Variants in DGUOK observed in about 807,000 individuals in gnomAD.
The protein encoded by DGUOK is deoxyguanosine kinase, also known as deoxyguanosine kinase, mitochondrial.
Under a neutral mutation model 36.6 loss-of-function variants are expected in DGUOK, and 30 were observed. That is an observed-to-expected ratio of 0.82 (90% confidence interval 0.61 to 1.11). The LOEUF (loss-of-function observed/expected upper bound fraction) is 1.11, where lower values mean the gene tolerates loss of function less well. Ranked by LOEUF, DGUOK falls within the 50% of genes most tolerant of loss-of-function variation. The pLI is 0.00. For missense variants in DGUOK, 361 were observed against 336.4 expected (o/e 1.07, Z -0.57); for synonymous variants, 145 against 126.3 (o/e 1.15, Z -0.99).
At position 73,958,807 on chromosome 2, in the gene DGUOK, C is replaced by G; in HGVS notation, c.*71C>G. On this transcript the variant is annotated 3_prime_UTR_variant, in exon 7 of 7. Transcript: ENST00000264093. ...TGAAGCTAGAAAAATGTTGTGTCTC[C>G]CAACCACCTTTCCATCCCCAGCCCC... 2 of 1,334,982 alleles carry G rather than the reference C, an allele frequency of 1.5e-6. No individual in the cohort carries two copies. Among genetic ancestry groups the G allele is most frequent in the South Asian group, 2.3e-5 (2 of 85,640 alleles). 82.7% of individuals were successfully genotyped at this position (1,334,982 alleles called of 1,614,324 possible).
At chr2:73,938,262 A>G (rs1452728760) in intron 1 of DGUOK, among the ~76,000 whole-genome samples, 1 of 152,050 alleles carries the variant, frequency 6.6e-6, no homozygotes, top group Non-Finnish European at 1.5e-5. Flanking sequence ...CTTACCTCAG[A>G]TGTCATTTTT....
rs763099320 is a variant in DGUOK at position 73,926,900 on chromosome 2, T to G, written c.-11T>G. On this transcript the variant is annotated 5_prime_UTR_variant, in exon 1 of 7. Transcript: ENST00000264093. ...TCGGCGGAAGTGATCGCTGTGTGAA[T>G]CGTGGGTGGGATGGCCGCGGGCCGC... 7 of 1,613,276 alleles carry G rather than the reference T, an allele frequency of 4.3e-6. No individual in the cohort carries two copies. Among genetic ancestry groups the G allele is most frequent in the Admixed American group, 1.7e-5 (1 of 60,002 alleles).
chr2:73,950,872 C>A, intron 4 of DGUOK, 140 bp downstream of exon 4: 1 of 1,155,968 alleles, frequency 8.7e-7, no homozygotes, highest in Non-Finnish European at 1.3e-6. Flanking sequence ...GGGACACCCT[C>A]CTGTCCCAGC....
intron 4 of DGUOK, among the ~76,000 whole-genome samples, chr2:73,954,398 G>A (rs562213402): frequency 4.0e-5 from 6 of 151,392 alleles, no homozygotes; most frequent in African/African-American, 9.7e-5. Flanking sequence ...GGCCGGGCAC[G>A]GTGACTCACG....
At chr2:73,929,412 T>C (rs1442285369) in intron 1 of DGUOK, among the ~76,000 whole-genome samples, 1 of 152,204 alleles carries the variant, frequency 6.6e-6, no homozygotes, top group Non-Finnish European at 1.5e-5. Flanking sequence ...TTTAAGCATG[T>C]TAGGTTTTTA....
intron 1 of DGUOK, among the ~76,000 whole-genome samples, chr2:73,934,154 T>G (rs1681272471): frequency 6.6e-6 from 1 of 152,206 alleles, no homozygotes; most frequent in African/African-American, 2.4e-5. Flanking sequence ...CTGCTAGATT[T>G]TAGCATTACA....
At position 73,958,097 on chromosome 2, in the gene DGUOK, A is replaced by G. The variant is rs765735643; in HGVS notation, c.708-49A>G. The G allele has an allele frequency of 2.0e-6, 3 of 1,474,856 alleles. No homozygotes were observed. In the Admixed American group the frequency reaches 5.1e-5, roughly 25 times the overall value. 91.4% of individuals were successfully genotyped at this position (1,474,856 alleles called of 1,614,324 possible). On this transcript the variant is annotated intron_variant, in intron 5 of 6. Coordinates refer to ENST00000264093, the MANE Select transcript of DGUOK (RefSeq NM_080916.3). ...TTGGCGAGTATGTGAAACTTGACTCAAGTTACATTTCTTTTTTTCTGTCCC... is the reference window on the plus strand; with the variant it reads ...TTGGCGAGTATGTGAAACTTGACTCGAGTTACATTTCTTTTTTTCTGTCCC...
chr2:73,933,248 G>A (rs1681194067), intron 1 of DGUOK, among the ~76,000 whole-genome samples: 1 of 152,182 alleles, frequency 6.6e-6, no homozygotes, highest in Admixed American at 6.5e-5. Flanking sequence ...TTCAAATACT[G>A]TATAGTGGAT....
At chr2:73,930,353 C>CA (rs1680912730) in intron 1 of DGUOK, among the ~76,000 whole-genome samples, 1 of 152,210 alleles carries the variant, frequency 6.6e-6, no homozygotes, top group Admixed American at 6.5e-5. Context: ...TGAGACCAGT[C>CA]ACCATGGCTG....
chr2:73,932,547 A>G (rs1374564780), intron 1 of DGUOK: 17 of 1,087,952 alleles, frequency 1.6e-5, no homozygotes, highest in African/African-American at 9.8e-5. Flanking sequence ...CACACAGGGA[A>G]TGTATTAAAC....
intron 1 of DGUOK, among the ~76,000 whole-genome samples, chr2:73,927,899 C>T (rs1376451062): frequency 3.3e-5 from 5 of 152,144 alleles, no homozygotes; most frequent in Non-Finnish European, 7.3e-5. Context: ...CTGAGAATTT[C>T]TTTTTTTATT....
At chr2:73,927,405 TAAAA>T (rs1186986221) in intron 1 of DGUOK, among the ~76,000 whole-genome samples, 1 of 152,226 alleles carries the variant, frequency 6.6e-6, no homozygotes, top group African/African-American at 2.4e-5. Context: ...TAGCAGAAAT[TAAAA>T]ATAATATCCA....
intron 2 of DGUOK, among the ~76,000 whole-genome samples, chr2:73,941,329 C>T (rs1681888976): frequency 6.6e-6 from 1 of 152,188 alleles, no homozygotes; most frequent in Admixed American, 6.5e-5. Context: ...TCCCAAATTC[C>T]TTCCCCATAG....
At chr2:73,956,411 G>A (rs1683094731) in intron 4 of DGUOK, among the ~76,000 whole-genome samples, 1 of 152,184 alleles carries the variant, frequency 6.6e-6, no homozygotes, top group Admixed American at 6.5e-5. Flanking sequence ...CTGGGGCTAT[G>A]GCTGTAGGCG....
At chr2:73,943,025 C>CT (rs1273977416) in intron 2 of DGUOK, among the ~76,000 whole-genome samples, 1 of 151,896 alleles carries the variant, frequency 6.6e-6, no homozygotes, top group Non-Finnish European at 1.5e-5. Flanking sequence ...CTAGAATGAA[C>CT]TTTTTTTTGG....
intron 1 of DGUOK, among the ~76,000 whole-genome samples, chr2:73,931,286 T>G (rs1558642454): frequency 6.6e-6 from 1 of 151,884 alleles, no homozygotes; most frequent in Admixed American, 6.6e-5. Flanking sequence ...TTTGTTTGTT[T>G]GTTTTTTTGA....
At chr2:73,940,975 T>G (rs1418969410) in intron 2 of DGUOK, among the ~76,000 whole-genome samples, 1 of 152,258 alleles carries the variant, frequency 6.6e-6, no homozygotes, top group East Asian at 1.9e-4. Flanking sequence ...ATTCCTCCCT[T>G]CTAGAAGTAG....
intron 3 of DGUOK, chr2:73,947,905 G>A (rs959618832): frequency 1.9e-4 from 29 of 152,190 alleles, no homozygotes; most frequent in African/African-American, 6.7e-4. Flanking sequence ...AGACAAACTA[G>A]TTCTATTTCT....
At chr2:73,949,701 G>C (rs1682576283) in intron 3 of DGUOK, among the ~76,000 whole-genome samples, 1 of 152,208 alleles carries the variant, frequency 6.6e-6, no homozygotes, top group Non-Finnish European at 1.5e-5. Context: ...TTTCTCCAAA[G>C]TGGCCAGTTG....
Sources: gnomAD v4.1 joint callset for allele counts (sites outside exome capture counted in the v4.1 genomes callset) on GRCh38, gnomAD v4.1.1 for gene constraint, MANE v1.5 for transcripts, NCBI Gene and HGNC (gene_info 2026-07-23, HGNC 2026-07-21) for gene names.